Variants in PRKCA observed in about 807,000 individuals in gnomAD.
PRKCA encodes the protein protein kinase C alpha type.
In PRKCA, 27 loss-of-function variants were observed where a neutral mutation model predicts 87.0. The observed-to-expected ratio is 0.31, with a 90% CI of 0.23 to 0.43. The LOEUF is 0.43. PRKCA is among the 20% of genes least tolerant of loss of function. The probability of loss-of-function intolerance (pLI) is 1.00; values close to 1 mark genes in which losing one functional copy is unlikely to be tolerated. For missense variants in PRKCA, 518 were observed against 852.3 expected, an observed-to-expected ratio of 0.61 and a Z score of 4.88; for synonymous variants, 329 against 311.1, an observed-to-expected ratio of 1.06 and a Z score of -0.61.
At chr17:66,557,998 T>TA (rs1259203745) in intron 3 of PRKCA, among the ~76,000 whole-genome samples, 3 of 152,216 alleles carry the variant, frequency 2.0e-5, no homozygotes, top group African/African-American at 7.2e-5. Context: ...TGCTGACATC[T>TA]AGGGAGCCTT....
intron 2 of PRKCA, among the ~76,000 whole-genome samples, chr17:66,342,162 G>A (rs1907076213): frequency 6.6e-6 from 1 of 152,178 alleles, no homozygotes; most frequent in Non-Finnish European, 1.5e-5. Flanking sequence ...GGTGGCTCAT[G>A]CCTGTAATCC....
At chr17:66,332,615 C>T (rs199839584) in intron 2 of PRKCA, among the ~76,000 whole-genome samples, 2 of 152,074 alleles carry the variant, frequency 1.3e-5, no homozygotes, top group East Asian at 3.8e-4. Flanking sequence ...TCTAAAGACT[C>T]TGTTGACCAT....
intron 2 of PRKCA, among the ~76,000 whole-genome samples, chr17:66,358,438 C>T (rs1020839403): frequency 6.6e-6 from 1 of 151,980 alleles, no homozygotes; most frequent in African/African-American, 2.4e-5. Context: ...CTTCTAGTAC[C>T]TAGAAGGTAC....
chr17:66,458,914 C>T (rs1320046270), intron 2 of PRKCA, among the ~76,000 whole-genome samples: 1 of 152,188 alleles, frequency 6.6e-6, no homozygotes, highest in African/African-American at 2.4e-5. Context: ...TAAATGCTAA[C>T]TGTGTGCCAA....
At chr17:66,747,855 C>G (rs917857262) in intron 13 of PRKCA, among the ~76,000 whole-genome samples, 1 of 152,204 alleles carries the variant, frequency 6.6e-6, no homozygotes, top group Non-Finnish European at 1.5e-5. Context: ...CTCCCCAGCA[C>G]GTGGGCATCG....
chr17:66,317,002 C>G (rs775182496), intron 2 of PRKCA, among the ~76,000 whole-genome samples: 6 of 151,926 alleles, frequency 3.9e-5, no homozygotes, highest in South Asian at 2.1e-4. Context: ...ATTAGCTGGG[C>G]GCGGTGGCGG....
chr17:66,572,259 G>T (rs536289193), intron 3 of PRKCA, among the ~76,000 whole-genome samples: 1 of 152,298 alleles, frequency 6.6e-6, no homozygotes, highest in African/African-American at 2.4e-5. Flanking sequence ...CTGAGGTCAG[G>T]AGTTCGAGAC....
chr17:66,399,603 A>G (rs567780355), intron 2 of PRKCA, among the ~76,000 whole-genome samples: 2 of 152,334 alleles, frequency 1.3e-5, no homozygotes, highest in African/African-American at 4.8e-5. Context: ...CTATCAAACA[A>G]CAGCTCTTGG....
intron 3 of PRKCA, among the ~76,000 whole-genome samples, chr17:66,535,694 A>G (rs977597984): frequency 6.6e-6 from 1 of 152,264 alleles, no homozygotes; most frequent in African/African-American, 2.4e-5. Flanking sequence ...TCTGAATCCT[A>G]GTGGGATCTC....
intron 3 of PRKCA, among the ~76,000 whole-genome samples, chr17:66,622,125 G>A (rs952602598): frequency 2.6e-5 from 4 of 152,156 alleles, no homozygotes; most frequent in African/African-American, 9.7e-5. Flanking sequence ...GGAGTTCAAG[G>A]TTATAGAGAG....
At chr17:66,615,854 A>C (rs1380732890) in intron 3 of PRKCA, among the ~76,000 whole-genome samples, 1 of 152,146 alleles carries the variant, frequency 6.6e-6, no homozygotes, top group African/African-American at 2.4e-5. Flanking sequence ...TGAATGTTCA[A>C]ATCCAAGCAG....
intron 2 of PRKCA, among the ~76,000 whole-genome samples, chr17:66,442,522 C>T (rs1030080046): frequency 4.6e-5 from 7 of 152,178 alleles, no homozygotes; most frequent in Non-Finnish European, 1.0e-4. Context: ...CTTCCCATTG[C>T]TTCTAGGATG....
intron 2 of PRKCA, among the ~76,000 whole-genome samples, chr17:66,365,043 C>CA (rs1173087698): frequency 2.6e-5 from 4 of 152,162 alleles, no homozygotes; most frequent in Admixed American, 2.6e-4. Context: ...TTTGAAAAGA[C>CA]ACATTGCAGC....
chr17:66,594,800 G>A (rs1969923332), intron 3 of PRKCA, among the ~76,000 whole-genome samples: 1 of 152,166 alleles, frequency 6.6e-6, no homozygotes, highest in Non-Finnish European at 1.5e-5. Flanking sequence ...GTTGGCCACA[G>A]AACTGCAGGT....
intron 11 of PRKCA, among the ~76,000 whole-genome samples, chr17:66,739,495 G>A (rs1279970134): frequency 6.6e-6 from 1 of 152,208 alleles, no homozygotes; most frequent in Non-Finnish European, 1.5e-5. Flanking sequence ...TCCCTTTCCA[G>A]AGGGAGTTTA....
At chr17:66,345,448 A>G (rs537504629) in intron 2 of PRKCA, among the ~76,000 whole-genome samples, 1 of 152,104 alleles carries the variant, frequency 6.6e-6, no homozygotes, top group African/African-American at 2.4e-5. Flanking sequence ...TCACTTGCCT[A>G]ATTAGTTTTA....
intron 3 of PRKCA, among the ~76,000 whole-genome samples, chr17:66,602,484 G>A (rs1414987090): frequency 6.6e-6 from 1 of 151,734 alleles, no homozygotes; most frequent in Non-Finnish European, 1.5e-5. Context: ...TCCCTAGTGA[G>A]ATGAACCCGG....
At chr17:66,414,447 G>T (rs1383222145) in intron 2 of PRKCA, among the ~76,000 whole-genome samples, 1 of 152,138 alleles carries the variant, frequency 6.6e-6, no homozygotes, top group African/African-American at 2.4e-5. Flanking sequence ...CTTCCTGTAC[G>T]GCCTGTGGAA....
chr17:66,400,938 A>G (rs1485528570), intron 2 of PRKCA, among the ~76,000 whole-genome samples: 3 of 152,354 alleles, frequency 2.0e-5, no homozygotes, highest in African/African-American at 4.8e-5. Flanking sequence ...ATATATGTCC[A>G]TATTGATACC....
Sources: allele counts gnomAD v4.1 joint callset (sites outside exome capture counted in the v4.1 genomes callset), GRCh38; gene constraint gnomAD v4.1.1; transcripts MANE v1.5; gene names NCBI Gene and HGNC (gene_info 2026-07-23, HGNC 2026-07-21).